Variants in PDGFRL observed in about 807,000 individuals in gnomAD.
PDGFRL encodes the protein platelet derived growth factor receptor like.
In PDGFRL, 46 loss-of-function variants were observed where a neutral mutation model predicts 37.2. The ratio of observed to expected loss-of-function variants is 1.24; its 90% confidence interval spans 0.98 to 1.58. The LOEUF is 1.58. Ranked by LOEUF, PDGFRL falls within the 40% of genes most tolerant of loss-of-function variation. The pLI is 0.00. For synonymous variants in PDGFRL, 251 were observed against 184.3 expected (o/e 1.36, Z -2.93); for missense variants, 692 against 467.6 (o/e 1.48, Z -4.43).
At chr8:17,577,082 T>TAA (rs5889721), upstream of PDGFRL, 22 of 520,436 alleles carry the variant, frequency 4.2e-5, no homozygotes, top group Admixed American at 1.4e-4. Flanking sequence ...CACAGAGAAC[T>TAA]AAAAAAAAAA....
chr8:17,631,659 A>G (rs940073670), intron 4 of PDGFRL, among the ~76,000 whole-genome samples: 1 of 151,852 alleles, frequency 6.6e-6, no homozygotes, highest in Admixed American at 6.6e-5. Flanking sequence ...TTCTCCCTTG[A>G]CTTCCACCAA....
In PDGFRL at chr8:17,589,507, A is replaced by G. The variant is rs1255221752; in HGVS notation, c.95A>G (p.Glu32Gly). The G allele has an allele frequency of 6.2e-7, 1 of 1,613,948 alleles. No homozygotes were observed. The highest frequency in any genetic ancestry group is 8.5e-7 in the Non-Finnish European group (1 of 1,179,932). ...QHLPKNKRPKEPGENRIKPTN... is the reference protein window; with the variant it reads ...QHLPKNKRPKGPGENRIKPTN... Reference sequence around the variant, plus strand: ...CTTCCCAAGAACAAGCGTCCAAAAGAACCAGGAGAGAATAGAATCAAACCT... The same window carrying G: ...CTTCCCAAGAACAAGCGTCCAAAAGGACCAGGAGAGAATAGAATCAAACCT... The change falls in exon 2 of 6, where the codon GAA becomes GGA. Residue 32 changes from glutamate to glycine, a missense_variant. Glu to Gly is a moderately conservative substitution (Grantham distance 98). Transcript: ENST00000251630.
chr8:17,591,653 C>T (rs139209208), intron 2 of PDGFRL, among the ~76,000 whole-genome samples: 1,561 of 152,266 alleles, frequency 0.01, 27 homozygotes, highest in African/African-American at 0.034. Flanking sequence ...CGGTGGCTCA[C>T]GCCTGTAATC....
chr8:17,602,150 A>T (rs986068141), intron 2 of PDGFRL, among the ~76,000 whole-genome samples: 1 of 152,188 alleles, frequency 6.6e-6, no homozygotes, highest in African/African-American at 2.4e-5. Flanking sequence ...GGTTACTAGC[A>T]GTTCTGACCG....
At position 17,598,057 on chromosome 8, in the gene PDGFRL, A is replaced by G. The variant is rs368788951; in HGVS notation, c.353+8292A>G. 2.0e-5 allele frequency among the ~76,000 whole-genome samples: 3 copies of G among 152,230 alleles called. No homozygotes were observed. In the East Asian group the frequency reaches 5.8e-4, roughly 29 times the overall value. On this transcript the variant is annotated intron_variant, in intron 2 of 5. Coordinates refer to ENST00000251630, the MANE Select transcript of PDGFRL (RefSeq NM_001372073.1). ...TGCATTTATAAACATTATTATATAA[A>G]TAACTTGATCTCATGGTTCATATGT...
rs768029197 is a variant in PDGFRL at position 17,589,692 on chromosome 8, C to A, written c.280C>A (p.Leu94Ile). ...LSLLAGQTVE[L>I]RCKGSRIGWS... Reference sequence around the variant, plus strand: ...TCTGCTGGCGGGGCAAACTGTAGAGCTTCGATGTAAAGGGAGTAGAATTGG... The same window carrying A: ...TCTGCTGGCGGGGCAAACTGTAGAGATTCGATGTAAAGGGAGTAGAATTGG... The change falls in exon 2 of 6, where the codon CTT becomes ATT. Residue 94 changes from leucine to isoleucine, a missense_variant. Transcript: ENST00000251630. 2.5e-6 allele frequency: 4 copies of A among 1,613,380 alleles called. No homozygotes were observed. In the East Asian group the frequency reaches 8.9e-5, roughly 36 times the overall value.
chr8:17,628,583 T>C lies in PDGFRL; in HGVS notation c.602T>C (p.Leu201Pro). 1 of 1,614,172 alleles carries C rather than the reference T, an allele frequency of 6.2e-7. No individual in the cohort carries two copies. Among genetic ancestry groups the C allele is most frequent in the Non-Finnish European group, 8.5e-7 (1 of 1,179,990 alleles). ...GTGGTTCCTTGTCGGGTGACCGTGC[T>C]GTCGGCCAAAGTCACGCTCCACAGG... is the stretch of plus-strand genomic sequence containing the variant. ...QAVVPCRVTV[L>P]SAKVTLHREF... is the part of the protein sequence containing the mutation. Residue 201 changes from leucine to proline, a missense_variant, in exon 4 of 6, where the codon CTG (leucine) becomes CCG (proline). Transcript: ENST00000251630.
At chr8:17,638,757 ATATATATATATATATATATATATATATAT>A (rs1805027534) in intron 5 of PDGFRL, among the ~76,000 whole-genome samples, 4 of 85,928 alleles carry the variant, frequency 4.7e-5, no homozygotes, top group East Asian at 6.4e-4. Flanking sequence ...ATATATATAT[ATATATATATATATATATATATATATATAT>A]AATTGTGATA....
chr8:17,595,922 A>C (rs1804042661), intron 2 of PDGFRL, among the ~76,000 whole-genome samples: 1 of 152,184 alleles, frequency 6.6e-6, no homozygotes, highest in Non-Finnish European at 1.5e-5. Context: ...ACCCAAGGTG[A>C]ACCCACCCAC....
intron 2 of PDGFRL, among the ~76,000 whole-genome samples, chr8:17,602,426 T>C (rs1804185104): frequency 6.6e-6 from 1 of 152,074 alleles, no homozygotes; most frequent in Non-Finnish European, 1.5e-5. Flanking sequence ...TAAATTCAGA[T>C]CACAGTACAC....
intron 2 of PDGFRL, among the ~76,000 whole-genome samples, chr8:17,604,867 C>A (rs185225670): frequency 6.6e-6 from 1 of 152,074 alleles, no homozygotes; most frequent in South Asian, 2.1e-4. Context: ...TAATTCCAGC[C>A]CTTTGGGAGG....
At chr8:17,616,298 G>A (rs1032999562) in intron 2 of PDGFRL, among the ~76,000 whole-genome samples, 10 of 152,178 alleles carry the variant, frequency 6.6e-5, no homozygotes, top group Admixed American at 3.3e-4. Context: ...GGGTTCAAGC[G>A]ATTGTCCTGC....
rs1276400051 is a variant in PDGFRL, at chr8:17,615,401, T to A, written c.354-5650T>A. Among the ~76,000 whole-genome samples, 3 of 152,176 alleles carry A rather than the reference T, an allele frequency of 2.0e-5. No individual in the cohort carries two copies. In the East Asian group the frequency reaches 5.8e-4, roughly 29 times the overall value. ...TCAGTCAAAATTGCTTCATTTCATTTCATTTCTGTAGGATGAAAATCCATG... is the reference window on the plus strand; with the variant it reads ...TCAGTCAAAATTGCTTCATTTCATTACATTTCTGTAGGATGAAAATCCATG... On this transcript the variant is annotated intron_variant, in intron 2 of 5. Transcript: ENST00000251630.
At chr8:17,641,123 C>T (rs917916641) in intron 5 of PDGFRL, among the ~76,000 whole-genome samples, 1 of 152,178 alleles carries the variant, frequency 6.6e-6, no homozygotes, top group Non-Finnish European at 1.5e-5. Context: ...CTCCCTCTGT[C>T]CCTGCCAACA....
At chr8:17,620,948 G>C (rs1016781227) in intron 2 of PDGFRL, 103 bp from the exon 3 acceptor site, 1 of 648,316 alleles carries the variant, frequency 1.5e-6, no homozygotes, top group African/African-American at 1.9e-5. Flanking sequence ...ATCGGAGAAA[G>C]ATTGGGGCAA....
chr8:17,616,341 T>G (rs1021079091), intron 2 of PDGFRL, among the ~76,000 whole-genome samples: 2 of 152,036 alleles, frequency 1.3e-5, no homozygotes, highest in Admixed American at 1.3e-4. Flanking sequence ...ACTACAGGCA[T>G]GCACCACCGC....
Position 17,642,622 on chromosome 8 carries a change from C to G in PDGFRL, c.949C>G (p.Pro317Ala). 1 of 1,605,094 alleles carries G rather than the reference C, an allele frequency of 6.2e-7. No homozygotes were observed. The highest frequency in any genetic ancestry group is 8.5e-7 in the Non-Finnish European group (1 of 1,171,792). ...WIFPGQKDER[P>A]VTIQDTWRLI... ...GGGTGTCGTTAAACAGGATGAAAGGCCTGTGACGATCCAAGACACTTGGAG... is the reference window on the plus strand; with the variant it reads ...GGGTGTCGTTAAACAGGATGAAAGGGCTGTGACGATCCAAGACACTTGGAG... The change falls in exon 6 of 6, where the codon CCT becomes GCT. Residue 317 changes from proline to alanine, a missense_variant. Coordinates refer to ENST00000251630, the MANE Select transcript of PDGFRL (RefSeq NM_001372073.1).
intron 2 of PDGFRL, among the ~76,000 whole-genome samples, chr8:17,595,573 G>C (rs1353335120): frequency 1.3e-5 from 2 of 152,146 alleles, no homozygotes; most frequent in African/African-American, 4.8e-5. Context: ...AAACAAACAA[G>C]AGCCAGGGCA....
At position 17,642,692 on chromosome 8, in the gene PDGFRL, G is replaced by GT. The variant is rs1460807952; in HGVS notation, c.1020dup (p.Val341CysfsTer8). ...GGACACACCACGAGAATCTCCCAGA[G>GT]TGTCATTACAGTGGAAGACTTTGAG... On this transcript the variant is annotated frameshift_variant, in exon 6 of 6. Transcript: ENST00000251630. LOFTEE classifies it high-confidence loss of function. The GT allele has an allele frequency of 1.2e-6, 2 of 1,603,344 alleles. No individual in the cohort carries two copies. The highest frequency in any genetic ancestry group is 2.7e-5 in the African/African-American group (2 of 74,726).
Sources: allele counts gnomAD v4.1 joint callset (sites outside exome capture counted in the v4.1 genomes callset), GRCh38; gene constraint gnomAD v4.1.1; transcripts MANE v1.5; gene names NCBI Gene and HGNC (gene_info 2026-07-23, HGNC 2026-07-21).